The following CRYBG1 variants were observed in gnomAD, a reference collection of about 807,000 sequenced individuals.
CRYBG1 encodes beta/gamma crystallin domain-containing protein 1.
CRYBG1 carries 139 observed loss-of-function variants against 189.2 expected under a neutral mutation model. The ratio of observed to expected loss-of-function variants is 0.73; its 90% CI spans 0.64 to 0.85. The LOEUF (loss-of-function observed/expected upper bound fraction) is 0.85. Among genes scored for constraint, CRYBG1 ranks in the 40% least tolerant of loss-of-function variants. The pLI is 0.00. For missense variants in CRYBG1, 2,611 were observed against 2,675.8 expected (o/e 0.98, Z 0.53); for synonymous variants, 1,023 against 1,017.1 (o/e 1.01, Z -0.11).
chr6:106,386,996 T>A (rs7757334), intron 1 of CRYBG1, among the ~76,000 whole-genome samples: 16,322 of 152,232 alleles, frequency 0.11, 1,009 homozygotes, highest in East Asian at 0.15. Context: ...TACTCTCTTT[T>A]CTTTTATTCT....
chr6:106,399,851 C>T (rs1255718869), intron 1 of CRYBG1, among the ~76,000 whole-genome samples: 1 of 151,640 alleles, frequency 6.6e-6, no homozygotes, highest in Non-Finnish European at 1.5e-5. Context: ...GAGAAAATAT[C>T]TCCGGCCGGG....
intron 2 of CRYBG1, among the ~76,000 whole-genome samples, chr6:106,454,435 T>C (rs139424038): frequency 0.01 from 1,574 of 152,336 alleles, 29 homozygotes; most frequent in African/African-American, 0.036. Context: ...ATTTAGATTC[T>C]GGGTAGTTTA....
At chr6:106,448,648 A>C (rs1193684490) in intron 1 of CRYBG1, among the ~76,000 whole-genome samples, 2 of 152,210 alleles carry the variant, frequency 1.3e-5, no homozygotes, top group Non-Finnish European at 2.9e-5. Flanking sequence ...TACCTCTCCC[A>C]AAGTGTAGCA....
chr6:106,434,282 G>A (rs149363315), intron 1 of CRYBG1, among the ~76,000 whole-genome samples: 27 of 152,258 alleles, frequency 1.8e-4, no homozygotes, highest in South Asian at 8.3e-4. Flanking sequence ...GAGAGGACAC[G>A]GGCGTAAATA....
At chr6:106,561,059 C>A in intron 19 of CRYBG1, 133 bp downstream of exon 19, 2 of 1,048,726 alleles carry the variant, frequency 1.9e-6, no homozygotes, top group Non-Finnish European at 2.7e-6. Context: ...TTCCCTGCCC[C>A]AATAATCTGG....
In CRYBG1 at chr6:106,566,541, G is replaced by A. The variant is rs576925425; in HGVS notation, c.6302-1931G>A. On this transcript the variant is annotated intron_variant, in intron 21 of 21. Transcript: ENST00000633556. The stretch of plus-strand genomic sequence containing the variant: ...GGCTGGAGTGCAATGACACGATCTC[G>A]GCTCACTGCAACCTCCGCCTCCTGG... Among the ~76,000 whole-genome samples the A allele has an allele frequency of 2.4e-4, 31 of 126,608 alleles. 2 individuals carry two copies. The East Asian group carries it at 7.7e-3, about 31-fold the overall frequency. The allele number at this position is 126,608 out of a possible 152,430, so 83.1% of individuals were successfully genotyped here.
At chr6:106,564,753 T>C (rs979795861) in intron 21 of CRYBG1, among the ~76,000 whole-genome samples, 2 of 152,288 alleles carry the variant, frequency 1.3e-5, no homozygotes, top group South Asian at 2.1e-4. Context: ...AGTGAACTAG[T>C]GTGTTGCTAT....
intron 18 of CRYBG1, among the ~76,000 whole-genome samples, chr6:106,558,877 C>T (rs893926977): frequency 9.2e-5 from 14 of 152,088 alleles, no homozygotes; most frequent in African/African-American, 3.4e-4. Context: ...GCCGAAGGAT[C>T]ACTTGAGCAC....
At chr6:106,429,523 T>C (rs775453110) in intron 1 of CRYBG1, among the ~76,000 whole-genome samples, 1 of 152,224 alleles carries the variant, frequency 6.6e-6, no homozygotes, top group Non-Finnish European at 1.5e-5. Context: ...TAGGCCAAAA[T>C]ATGGCTTTTA....
At chr6:106,430,680 T>C (rs1330640419) in intron 1 of CRYBG1, among the ~76,000 whole-genome samples, 2 of 151,646 alleles carry the variant, frequency 1.3e-5, no homozygotes, top group Non-Finnish European at 2.9e-5. Context: ...GGGCCTCAGT[T>C]CTTGTTGTCT....
intron 2 of CRYBG1, among the ~76,000 whole-genome samples, chr6:106,499,940 T>G (rs963241183): frequency 6.6e-6 from 1 of 152,226 alleles, no homozygotes; most frequent in African/African-American, 2.4e-5. Flanking sequence ...TGTGCCTGGC[T>G]TATTTCACTT....
intron 2 of CRYBG1, among the ~76,000 whole-genome samples, chr6:106,495,780 G>A (rs1439867434): frequency 3.7e-5 from 5 of 136,884 alleles, no homozygotes; most frequent in African/African-American, 1.4e-4. Context: ...ATTGTTGAGT[G>A]TACTATAAAT....
chr6:106,393,522 A>G (rs1369295153), intron 1 of CRYBG1, among the ~76,000 whole-genome samples: 1 of 152,222 alleles, frequency 6.6e-6, no homozygotes. Context: ...CTGCATGGGC[A>G]GGGATTGGAT....
intron 1 of CRYBG1, among the ~76,000 whole-genome samples, chr6:106,421,451 A>G (rs942330126): frequency 1.3e-5 from 2 of 152,094 alleles, no homozygotes; most frequent in South Asian, 2.1e-4. Flanking sequence ...AGTGTTTTAT[A>G]TATGTTCAGT....
At chr6:106,541,891 A>G (rs1211997101) in intron 10 of CRYBG1, among the ~76,000 whole-genome samples, 1 of 152,110 alleles carries the variant, frequency 6.6e-6, no homozygotes, top group Non-Finnish European at 1.5e-5. Flanking sequence ...TGTTATATTG[A>G]GTTAACAATT....
chr6:106,372,573 C>G (rs535672721), intron 1 of CRYBG1, among the ~76,000 whole-genome samples: 1 of 152,258 alleles, frequency 6.6e-6, no homozygotes, highest in East Asian at 1.9e-4. Flanking sequence ...CTTTTAATGG[C>G]AAAAACTGCA....
At position 106,519,176 on chromosome 6, in the gene CRYBG1, G is replaced by A. The variant is rs776869171; in HGVS notation, c.1968G>A (p.Lys656=). 4 of 1,613,894 alleles carry A rather than the reference G, an allele frequency of 2.5e-6. No individual in the cohort carries two copies. The highest frequency in any genetic ancestry group is 1.7e-5 in the Admixed American group (1 of 59,986). ...TGGAACTAAATCTTAAAACCCCTAAGAATCTTGACAGTTTGGGAAATGAGC... is the reference window on the plus strand; with the variant it reads ...TGGAACTAAATCTTAAAACCCCTAAAAATCTTGACAGTTTGGGAAATGAGC... The part of the protein sequence containing the change: ...KHVELNLKTP[K]NLDSLGNEHN... Residue 656 remains lysine, a synonymous_variant, in exon 4 of 22, where the codon AAG becomes AAA. Coordinates refer to ENST00000633556, the MANE Select transcript of CRYBG1 (RefSeq NM_001371242.2).
At chr6:106,525,977 G>GA (rs905804729) in intron 6 of CRYBG1, among the ~76,000 whole-genome samples, 3 of 152,024 alleles carry the variant, frequency 2.0e-5, no homozygotes, top group Admixed American at 1.3e-4. Context: ...AGAAACTGGT[G>GA]AAAAAAATAA....
At chr6:106,485,781 G>A (rs932844639) in intron 2 of CRYBG1, among the ~76,000 whole-genome samples, 3 of 152,152 alleles carry the variant, frequency 2.0e-5, no homozygotes, top group Admixed American at 2.0e-4. Context: ...TTATTGATTT[G>A]TGTATGTTGA....
Sources: gnomAD v4.1 joint callset for allele counts (sites outside exome capture counted in the v4.1 genomes callset) on GRCh38, gnomAD v4.1.1 for gene constraint, MANE v1.5 for transcripts, NCBI Gene and HGNC (gene_info 2026-07-23, HGNC 2026-07-21) for gene names.